Variants in FOXP1 observed in about 807,000 individuals in gnomAD.
FOXP1 encodes the protein forkhead box P1, also known as forkhead box protein P1.
In FOXP1, 15 loss-of-function variants were observed where a neutral mutation model predicts 98.2. The ratio of observed to expected loss-of-function variants is 0.15; its 90% CI spans 0.10 to 0.24. The LOEUF is 0.24. FOXP1 is among the 10% of genes least tolerant of loss of function. FOXP1 has a pLI of 1.00. For synonymous variants in FOXP1, 371 were observed against 314.5 expected, an observed-to-expected ratio of 1.18 and a Z score of -1.90; for missense variants, 633 against 848.5, an observed-to-expected ratio of 0.75 and a Z score of 3.15.
chr3:71,157,146 C>T (rs370196019), intron 6 of FOXP1, among the ~76,000 whole-genome samples: 5 of 152,218 alleles, frequency 3.3e-5, no homozygotes, highest in African/African-American at 9.6e-5. Context: ...CTAACCTTGG[C>T]GGCAAACCAC....
chr3:71,102,777 G>C (rs1321290574), intron 7 of FOXP1, among the ~76,000 whole-genome samples: 5 of 152,132 alleles, frequency 3.3e-5, no homozygotes, highest in Admixed American at 2.0e-4. Context: ...CCCTGTTTGC[G>C]GGGCCCAGGT....
rs2082336447 is a variant in FOXP1 at position 71,406,405 on chromosome 3, G to GTATGTATATATA, written c.-167-47162_-167-47161insTATATATACATA. Among the ~76,000 whole-genome samples, 9 of 105,938 alleles carry GTATGTATATATA rather than the reference G, an allele frequency of 8.5e-5. 1 individual carries two copies. The highest frequency in any genetic ancestry group is 1.3e-4 in the Non-Finnish European group (6 of 44,956). The allele number at this position is 105,938 out of a possible 152,430, so 69.5% of individuals were successfully genotyped here. Reference sequence around the variant, plus strand: ...TAATTGACACATAATAACTGTATGTGTATATATATATATATATATGGTACA... The same window carrying GTATGTATATATA: ...TAATTGACACATAATAACTGTATGTGTATGTATATATATATATATATATATATATATGGTACA... On this transcript the variant is annotated intron_variant, in intron 3 of 20. Coordinates refer to ENST00000649528, the MANE Select transcript of FOXP1 (RefSeq NM_001349338.3).
At chr3:71,446,833 G>A (rs1272020627) in intron 3 of FOXP1, among the ~76,000 whole-genome samples, 1 of 152,254 alleles carries the variant, frequency 6.6e-6, no homozygotes, top group Non-Finnish European at 1.5e-5. Flanking sequence ...GCAGGAGTAA[G>A]TGTCAATACA....
rs756099573 is a variant in FOXP1 at position 71,198,260 on chromosome 3, G to A, written c.122C>T (p.Thr41Met). 28 of 1,614,146 alleles carry A rather than the reference G, an allele frequency of 1.7e-5. No homozygotes were observed. Among genetic ancestry groups the A allele is most frequent in the South Asian group, 6.6e-5 (6 of 91,086 alleles). The stretch of plus-strand genomic sequence containing the variant: ...AGCTGCCCCGATGTCCACGGCCGGC[G>A]TCTCTCCGTTGGACCGCCCCTCCCG... ...GLREGRSNGETPAVDIGAADL... is the reference protein window; with the variant it reads ...GLREGRSNGEMPAVDIGAADL... The change falls in exon 6 of 21, where the codon ACG becomes ATG. Residue 41 changes from threonine (T) to methionine (M), a missense_variant. Thr to Met is a moderately conservative substitution (Grantham distance 81). This residue lies in a region of FOXP1 where 103 missense variants were observed against 85.5 expected (regional missense o/e 1.20). Transcript: ENST00000649528.
chr3:71,420,621 C>A (rs1031073895), intron 3 of FOXP1, among the ~76,000 whole-genome samples: 14 of 152,156 alleles, frequency 9.2e-5, no homozygotes, highest in Admixed American at 9.2e-4. Context: ...CCAGACCCTG[C>A]CCAAGTGGAT....
At chr3:71,348,289 G>T (rs1016676224) in intron 4 of FOXP1, among the ~76,000 whole-genome samples, 3 of 152,072 alleles carry the variant, frequency 2.0e-5, no homozygotes, top group Non-Finnish European at 4.4e-5. Context: ...AATTCATAAA[G>T]GCCAGACTTC....
intron 2 of FOXP1, among the ~76,000 whole-genome samples, chr3:71,558,880 G>T (rs887163858): frequency 7.0e-6 from 1 of 142,942 alleles, no homozygotes; most frequent in South Asian, 2.2e-4. Flanking sequence ...TTGGCTCACT[G>T]CAACCTCTGC....
intron 14 of FOXP1, among the ~76,000 whole-genome samples, chr3:70,982,090 G>GAAGA (rs548231716): frequency 1.1e-3 from 173 of 152,284 alleles, no homozygotes; most frequent in African/African-American, 3.9e-3. Context: ...AAAGAATGGA[G>GAAGA]AAGAAAGACT....
intron 7 of FOXP1, among the ~76,000 whole-genome samples, chr3:71,072,479 A>T (rs1207021877): frequency 6.6e-6 from 1 of 152,176 alleles, no homozygotes; most frequent in African/African-American, 2.4e-5. Context: ...ACAACCCAAA[A>T]CGTTTACTGG....
chr3:71,352,058 A>G (rs1394145768), intron 4 of FOXP1, among the ~76,000 whole-genome samples: 1 of 152,234 alleles, frequency 6.6e-6, no homozygotes, highest in Non-Finnish European at 1.5e-5. Flanking sequence ...GAAGTATAAC[A>G]GCTCCACATG....
chr3:70,996,827 C>T (rs1199310481), intron 13 of FOXP1, among the ~76,000 whole-genome samples: 1 of 152,160 alleles, frequency 6.6e-6, no homozygotes, highest in Non-Finnish European at 1.5e-5. Flanking sequence ...TGGTCTATCT[C>T]TACCACATGT....
chr3:71,508,386 A>G (rs1297034258), intron 2 of FOXP1, among the ~76,000 whole-genome samples: 5 of 152,216 alleles, frequency 3.3e-5, no homozygotes, highest in African/African-American at 1.2e-4. Context: ...CTGTGACAGA[A>G]GCAGATGCTA....
At chr3:70,995,030 AT>A (rs61296076) in intron 13 of FOXP1, among the ~76,000 whole-genome samples, 2,146 of 145,606 alleles carry the variant, frequency 0.015, 31 homozygotes, top group African/African-American at 0.041. Flanking sequence ...TGTTTTTTGT[AT>A]TTTTTTTTTT....
At chr3:71,532,571 T>C (rs1342717465) in intron 2 of FOXP1, among the ~76,000 whole-genome samples, 2 of 152,220 alleles carry the variant, frequency 1.3e-5, no homozygotes, top group African/African-American at 4.8e-5. Flanking sequence ...AGTGTGAGTT[T>C]CCTTAAGGTA....
intron 5 of FOXP1, among the ~76,000 whole-genome samples, chr3:71,297,678 C>CG (rs2073448716): frequency 6.9e-6 from 1 of 145,584 alleles, no homozygotes; most frequent in African/African-American, 2.5e-5. Flanking sequence ...AACAGTGGTG[C>CG]GATCTCAGTT....
intron 5 of FOXP1, among the ~76,000 whole-genome samples, chr3:71,285,563 T>C (rs2107455241): frequency 6.6e-6 from 1 of 152,278 alleles, no homozygotes; most frequent in Non-Finnish European, 1.5e-5. Context: ...TATTTAATAT[T>C]TTGAAACACT....
intron 12 of FOXP1, among the ~76,000 whole-genome samples, chr3:71,009,258 C>T (rs553921978): frequency 8.8e-5 from 13 of 148,062 alleles, no homozygotes; most frequent in Admixed American, 3.4e-4. Flanking sequence ...TAGCTATGTC[C>T]GGGGCCACAA....
intron 3 of FOXP1, among the ~76,000 whole-genome samples, chr3:71,492,540 C>T (rs988702294): frequency 1.3e-5 from 2 of 152,090 alleles, no homozygotes; most frequent in African/African-American, 4.8e-5. Flanking sequence ...AATACAGTGC[C>T]CTTTCTGCTT....
At chr3:71,150,777 G>A (rs932772195) in intron 6 of FOXP1, among the ~76,000 whole-genome samples, 2 of 152,016 alleles carry the variant, frequency 1.3e-5, no homozygotes, top group Non-Finnish European at 2.9e-5. Context: ...TAGAAGTATC[G>A]CTTGTAATAG....
Sources: gnomAD v4.1 joint callset for allele counts (sites outside exome capture counted in the v4.1 genomes callset) on GRCh38, gnomAD v4.1.1 for gene constraint, gnomAD v4.1.1 regional missense constraint, MANE v1.5 for transcripts, NCBI Gene and HGNC (gene_info 2026-07-23, HGNC 2026-07-21) for gene names.